The following STAB2 variants were observed in gnomAD, a reference collection of about 807,000 sequenced individuals.
STAB2 encodes stabilin 2.
In STAB2, 288 loss-of-function variants were observed where a neutral mutation model predicts 338.1. The observed-to-expected ratio is 0.85, with a 90% CI of 0.77 to 0.94. STAB2 has a LOEUF of 0.94. Among genes scored for constraint, STAB2 ranks in the 40% least tolerant of loss-of-function variants. The probability of loss-of-function intolerance (pLI) is 0.00; values close to 1 mark genes in which losing one functional copy is unlikely to be tolerated. For missense variants in STAB2, 3,141 were observed against 3,210.1 expected (o/e 0.98, Z 0.52); for synonymous variants, 1,202 against 1,193.3 (o/e 1.01, Z -0.15).
chr12:103,621,502 G>T (rs1424739012), intron 4 of STAB2, among the ~76,000 whole-genome samples: 1 of 152,178 alleles, frequency 6.6e-6, no homozygotes, highest in Non-Finnish European at 1.5e-5. Context: ...GGAGGCCAAG[G>T]TGAGCAGATC....
At chr12:103,620,592 C>G (rs746134329) in intron 4 of STAB2, 39 bp downstream of exon 4, 2 of 1,516,150 alleles carry the variant, frequency 1.3e-6, no homozygotes, top group South Asian at 2.4e-5. Context: ...CTGGTTTCTG[C>G]TCCCCATCTT....
At chr12:103,710,696 C>T (rs776151409) in intron 39 of STAB2, among the ~76,000 whole-genome samples, 13 of 152,226 alleles carry the variant, frequency 8.5e-5, no homozygotes, top group Non-Finnish European at 1.3e-4. Context: ...AAAATTGCCT[C>T]CATTCCAGCC....
At chr12:103,686,122 T>G (rs746120640) in intron 27 of STAB2, among the ~76,000 whole-genome samples, 1 of 152,146 alleles carries the variant, frequency 6.6e-6, no homozygotes, top group African/African-American at 2.4e-5. Flanking sequence ...ATTGACAAAT[T>G]TCCTCATCAC....
intron 42 of STAB2, 117 bp from the exon 43 acceptor site, chr12:103,715,698 C>A: frequency 8.9e-7 from 1 of 1,127,878 alleles, no homozygotes; most frequent in Non-Finnish European, 1.3e-6. Context: ...AAAACTGAAT[C>A]ATGCTTTGAC....
At chr12:103,753,482 T>C in intron 61 of STAB2, 129 bp downstream of exon 61, 1 of 1,247,338 alleles carries the variant, frequency 8.0e-7, no homozygotes, top group Non-Finnish European at 1.1e-6. Flanking sequence ...CCTGGAACAA[T>C]GCTAACAGTC....
chr12:103,664,194 A>C (rs954688244), intron 18 of STAB2, among the ~76,000 whole-genome samples: 10 of 152,104 alleles, frequency 6.6e-5, no homozygotes, highest in Non-Finnish European at 1.5e-4. Context: ...CCCAGGCTGG[A>C]GTGCAGTGGC....
chr12:103,680,120 T>C (rs1876763463), intron 25 of STAB2, among the ~76,000 whole-genome samples: 1 of 152,074 alleles, frequency 6.6e-6, no homozygotes, highest in African/African-American at 2.4e-5. Flanking sequence ...TGCCGGGAGC[T>C]AGAGTAGGGA....
intron 52 of STAB2, among the ~76,000 whole-genome samples, chr12:103,736,486 G>C (rs573606111): frequency 2.0e-5 from 3 of 152,226 alleles, no homozygotes; most frequent in Admixed American, 6.5e-5. Flanking sequence ...TTTCATTCCA[G>C]CTTCTGGTAC....
At chr12:103,667,695 C>T (rs1189922208) in intron 19 of STAB2, among the ~76,000 whole-genome samples, 1 of 152,152 alleles carries the variant, frequency 6.6e-6, no homozygotes, top group East Asian at 1.9e-4. Flanking sequence ...CCTCAGAATT[C>T]CTTCATATAG....
intron 12 of STAB2, 148 bp from the exon 13 acceptor site, chr12:103,654,407 A>G (rs760624442): frequency 5.1e-4 from 415 of 819,294 alleles, no homozygotes; most frequent in Non-Finnish European, 7.3e-4. Context: ...AGACACTTTC[A>G]TCCCCACTTT....
chr12:103,731,504 C>G, intron 49 of STAB2, 72 bp from the exon 50 acceptor site: 1 of 1,531,446 alleles, frequency 6.5e-7, no homozygotes, highest in Non-Finnish European at 8.9e-7. Context: ...CTTTTTTTCA[C>G]TTGAGCTCTT....
At chr12:103,612,376 G>A (rs938297052) in intron 3 of STAB2, among the ~76,000 whole-genome samples, 7 of 152,186 alleles carry the variant, frequency 4.6e-5, no homozygotes, top group African/African-American at 1.4e-4. Context: ...TGGAGGCTTT[G>A]TTCATTTCTT....
At chr12:103,714,069 AAAAG>A (rs1176970539) in intron 42 of STAB2, among the ~76,000 whole-genome samples, 1 of 152,256 alleles carries the variant, frequency 6.6e-6, no homozygotes, top group South Asian at 2.1e-4. Flanking sequence ...TCACTGTAGA[AAAAG>A]AAAGCACATG....
At position 103,730,223 on chromosome 12, in the gene STAB2, T is replaced by A; in HGVS notation, c.5190T>A (p.Leu1730=). Residue 1730 remains leucine (L), a synonymous_variant, in exon 49 of 69, where the codon CTT becomes CTA. Transcript: ENST00000388887. Reference sequence around the variant, plus strand: ...AATTGCTATCTCCCAAAAATTTGCTTATCACTCCCAAAGACAACTCTGGAA... The same window carrying A: ...AATTGCTATCTCCCAAAAATTTGCTAATCACTCCCAAAGACAACTCTGGAA... The part of the protein sequence containing the change: ...IDKLLSPKNL[L]ITPKDNSGRI... The A allele has an allele frequency of 6.2e-7, 1 of 1,613,714 alleles. No homozygotes were observed. The highest frequency in any genetic ancestry group is 1.3e-5 in the African/African-American group (1 of 75,044).
At chr12:103,620,601 T>C (rs1304291376) in intron 4 of STAB2, 48 bp downstream of exon 4, 2 of 1,466,938 alleles carry the variant, frequency 1.4e-6, no homozygotes, top group East Asian at 5.0e-5. Flanking sequence ...GCTCCCCATC[T>C]TCTTACCTGT....
At chr12:103,623,144 A>G (rs1454191849) in intron 5 of STAB2, among the ~76,000 whole-genome samples, 1 of 152,146 alleles carries the variant, frequency 6.6e-6, no homozygotes, top group African/African-American at 2.4e-5. Context: ...GGGAAAATAA[A>G]CAGGATGTTA....
At chr12:103,725,119 A>G (rs1179733379) in intron 45 of STAB2, 25 bp downstream of exon 45, 9 of 1,601,460 alleles carry the variant, frequency 5.6e-6, no homozygotes, top group Admixed American at 3.3e-5. Flanking sequence ...GTTTCCATCA[A>G]GTAAACTCTA....
intron 19 of STAB2, among the ~76,000 whole-genome samples, chr12:103,667,006 C>T (rs1875170217): frequency 6.6e-6 from 1 of 152,132 alleles, no homozygotes; most frequent in African/African-American, 2.4e-5. Flanking sequence ...ATGCCAAGGA[C>T]TCTATTGGTG....
intron 27 of STAB2, 66 bp from the exon 28 acceptor site, chr12:103,688,102 T>C: frequency 6.6e-7 from 1 of 1,508,044 alleles, no homozygotes; most frequent in Non-Finnish European, 9.2e-7. Flanking sequence ...GTGATTGCAC[T>C]TCTCATTGTT....
Sources: allele counts gnomAD v4.1 joint callset (sites outside exome capture counted in the v4.1 genomes callset), GRCh38; gene constraint gnomAD v4.1.1; transcripts MANE v1.5; gene names NCBI Gene and HGNC (gene_info 2026-07-23, HGNC 2026-07-21).